Variants in SLC22A5 observed in about 807,000 individuals in gnomAD.
SLC22A5 encodes solute carrier family 22 member 5.
SLC22A5 carries 44 observed loss-of-function variants against 56.7 expected under a neutral mutation model. That is an observed-to-expected ratio of 0.78 (90% CI 0.61 to 1.00). The LOEUF (loss-of-function observed/expected upper bound fraction) is 1.00. Among genes scored for constraint, SLC22A5 ranks in the 50% least tolerant of loss-of-function variants. The pLI is 0.00. For missense variants in SLC22A5, 675 were observed against 723.0 expected (o/e 0.93, Z 0.76); for synonymous variants, 278 against 292.1 (o/e 0.95, Z 0.49).
rs148692357 is a variant in SLC22A5, at chr5:132,392,756, G to T, written c.1450+141G>T. The T allele has an allele frequency of 5.4e-5, 41 of 758,832 alleles. No individual in the cohort carries two copies. The Middle Eastern group carries it at 1.1e-3, about 20-fold the overall frequency. 47.0% of individuals were successfully genotyped at this position (758,832 alleles called of 1,614,324 possible). A position where few individuals can be genotyped will look rare whatever the true frequency, so the allele number is the denominator to read the frequency against. ...TCCATCCAGTACTGGATCTTTGGCC[G>T]GGAAGGGTTCTTGTCCCAGTGCACT... On this transcript the variant is annotated intron_variant, in intron 8 of 9. Coordinates refer to ENST00000245407, the MANE Select transcript of SLC22A5 (RefSeq NM_003060.4).
Position 132,394,171 on chromosome 5 carries a change from G to C in SLC22A5, c.1587-14G>C, listed in dbSNP as rs1337915993. 2.4e-5 allele frequency: 38 copies of C among 1,568,618 alleles called. No individual in the cohort carries two copies. Among genetic ancestry groups the C allele is most frequent in the Non-Finnish European group, 3.2e-5 (36 of 1,138,632 alleles). ...TAAAATGTGTTACTGACATATTTTT[G>C]CTTGTTTTTATAGAATGAAACACAG... On this transcript the variant is annotated splice_polypyrimidine_tract_variant and intron_variant, in intron 9 of 9. Transcript: ENST00000245407.
intron 5 of SLC22A5, among the ~76,000 whole-genome samples, chr5:132,388,701 C>T (rs1752609075): frequency 6.6e-6 from 1 of 152,104 alleles, no homozygotes; most frequent in South Asian, 2.1e-4. Flanking sequence ...TGGTCACTTA[C>T]TTTTCCTCAT....
intron 1 of SLC22A5, among the ~76,000 whole-genome samples, chr5:132,374,669 G>A (rs1226504139): frequency 6.6e-6 from 1 of 152,054 alleles, no homozygotes; most frequent in Admixed American, 6.5e-5. Context: ...GGCCATGAGT[G>A]GTCAGATTGA....
chr5:132,387,192 C>T (rs778986156), intron 5 of SLC22A5, 41 bp downstream of exon 5: 74 of 1,612,722 alleles, frequency 4.6e-5, no homozygotes, highest in South Asian at 4.1e-4. Flanking sequence ...ACAGACTGAC[C>T]GTGATTTGAG....
intron 1 of SLC22A5, chr5:132,378,110 A>G: frequency 3.9e-6 from 6 of 1,550,986 alleles, no homozygotes; most frequent in Non-Finnish European, 5.2e-6. Flanking sequence ...CTCCAGGGTC[A>G]GCATGTGGAC....
intron 2 of SLC22A5, chr5:132,380,068 C>G (rs1040043039): frequency 6.6e-6 from 1 of 152,248 alleles, no homozygotes; most frequent in Non-Finnish European, 1.5e-5. Context: ...CAGAGAAGTG[C>G]AGGGTGCCAC....
chr5:132,386,827 G>A (rs893330221), intron 4 of SLC22A5, among the ~76,000 whole-genome samples, 198 bp from the exon 5 acceptor site: 5 of 152,204 alleles, frequency 3.3e-5, no homozygotes, highest in Non-Finnish European at 7.3e-5. Context: ...TTTTTGTGCG[G>A]TGTGGGGTAC....
At chr5:132,381,179 T>G (rs1270034392) in intron 2 of SLC22A5, 6 of 152,172 alleles carry the variant, frequency 3.9e-5, no homozygotes, top group African/African-American at 1.4e-4. Flanking sequence ...AGGAAAGCAT[T>G]TAAGTTCCAA....
rs199689597 is a variant in SLC22A5, at chr5:132,370,103, C to G, written c.131C>G (p.Ala44Gly). ...FTGLSSVFLI[A>G]TPEHRCRVPD... ...GGCCTGTCCTCCGTGTTCCTGATAG[C>G]GACCCCGGAGCACCGCTGCCGGGTG... The change falls in exon 1 of 10, where the codon GCG (alanine) becomes GGG (glycine). Residue 44 changes from alanine to glycine, a missense_variant. Ala to Gly is a moderately conservative substitution (Grantham distance 60). Transcript: ENST00000245407. 6 of 1,612,050 alleles carry G rather than the reference C, an allele frequency of 3.7e-6. No homozygotes were observed. The highest frequency in any genetic ancestry group is 1.3e-5 in the African/African-American group (1 of 74,916).
chr5:132,370,507 C>A, intron 1 of SLC22A5, 142 bp downstream of exon 1: 3 of 1,000,124 alleles, frequency 3.0e-6, no homozygotes, highest in Non-Finnish European at 2.9e-6. Flanking sequence ...GCGATGGAGA[C>A]CCTCCAGCCA....
rs895304067 is a variant in SLC22A5 at position 132,390,436 on chromosome 5, T to G, written c.1053-254T>G. ...GTAAATCTATCTGAATTATACAAGC[T>G]TTTTTGCTGGGACACTGTCTATATG... On this transcript the variant is annotated intron_variant, in intron 6 of 9. Coordinates refer to ENST00000245407, the MANE Select transcript of SLC22A5 (RefSeq NM_003060.4). 1.3e-5 allele frequency: 7 copies of G among 547,594 alleles called. No homozygotes were observed. In the African/African-American group the frequency reaches 1.3e-4, roughly 10 times the overall value. The allele number at this position is 547,594 out of a possible 1,614,324, so 33.9% of individuals were successfully genotyped here.
At chr5:132,388,715 C>T (rs189869384) in intron 5 of SLC22A5, among the ~76,000 whole-genome samples, 33 of 152,262 alleles carry the variant, frequency 2.2e-4, no homozygotes, top group Admixed American at 2.0e-3. Context: ...TCCTCATTTT[C>T]ATTCACTCTG....
chr5:132,394,353 T>A lies in SLC22A5; in HGVS notation c.*81T>A. On this transcript the variant is annotated 3_prime_UTR_variant, in exon 10 of 10. Coordinates refer to ENST00000245407, the MANE Select transcript of SLC22A5 (RefSeq NM_003060.4). ...CCAGCTTGTGCAGACTCCGAGTCCT[T>A]CAGTGACAAAAGGCCTTTGCTGTTT... is the stretch of plus-strand genomic sequence containing the variant. 1 of 999,050 alleles carries A rather than the reference T, an allele frequency of 1.0e-6. No homozygotes were observed. Among genetic ancestry groups the A allele is most frequent in the African/African-American group, 1.9e-5 (1 of 52,072 alleles). The allele number at this position is 999,050 out of a possible 1,614,324, so 61.9% of individuals were successfully genotyped here. A position where few individuals can be genotyped will look rare whatever the true frequency, so the allele number is the denominator to read the frequency against.
Position 132,370,225 on chromosome 5 carries a change from C to T in SLC22A5, c.253C>T (p.Arg85Trp). ...GGTGCCCCACAGCTGCCGCCGCTACCGGCTCGCCACCATCGCCAACTTCTC... is the reference window on the plus strand; with the variant it reads ...GGTGCCCCACAGCTGCCGCCGCTACTGGCTCGCCACCATCGCCAACTTCTC... The part of the protein sequence containing the change: ...REVPHSCRRY[R>W]LATIANFSAL... The change falls in exon 1 of 10, where the codon CGG (arginine) becomes TGG (tryptophan). Residue 85 changes from arginine (R) to tryptophan (W), a missense_variant. Physicochemically the swap from Arg to Trp is moderately radical, Grantham distance 101 (BLOSUM62 -3). Transcript: ENST00000245407. The T allele has an allele frequency of 1.3e-6, 2 of 1,575,126 alleles. No individual in the cohort carries two copies. The highest frequency in any genetic ancestry group is 1.7e-6 in the Non-Finnish European group (2 of 1,162,128).
In SLC22A5 at chr5:132,394,381, C is replaced by A; in HGVS notation, c.*109C>A. ...GTGACAAAAGGCCTTTGCTGTTTGT[C>A]CTCTTGACCTGTGTCTGACTTGCTC... is the stretch of plus-strand genomic sequence containing the variant. On this transcript the variant is annotated 3_prime_UTR_variant, in exon 10 of 10. Coordinates refer to ENST00000245407, the MANE Select transcript of SLC22A5 (RefSeq NM_003060.4). 2 of 859,630 alleles carry A rather than the reference C, an allele frequency of 2.3e-6. No individual in the cohort carries two copies. The highest frequency in any genetic ancestry group is 2.4e-5 in the East Asian group (1 of 41,486). The allele number at this position is 859,630 out of a possible 1,614,324, so 53.3% of individuals were successfully genotyped here.
chr5:132,385,533 G>T (rs1210616539), intron 4 of SLC22A5, 34 bp downstream of exon 4: 6 of 1,595,982 alleles, frequency 3.8e-6, no homozygotes, highest in Non-Finnish European at 5.2e-6. Flanking sequence ...GTGCCCACTG[G>T]CAGGATGATT....
intron 5 of SLC22A5, among the ~76,000 whole-genome samples, chr5:132,388,387 AT>A (rs1752599821): frequency 1.3e-5 from 2 of 152,196 alleles, no homozygotes; most frequent in South Asian, 4.1e-4. Context: ...GCTGTGCTGA[AT>A]TTCATAGGAA....
At position 132,370,009 on chromosome 5, in the gene SLC22A5, G is replaced by T. The variant is rs553647459; in HGVS notation, c.37G>T (p.Glu13Ter). The T allele has an allele frequency of 6.2e-7, 1 of 1,613,318 alleles. No homozygotes were observed. Among genetic ancestry groups the T allele is most frequent in the Non-Finnish European group, 8.5e-7 (1 of 1,179,710 alleles). The change falls in exon 1 of 10, where the codon GAG (glutamate) becomes TAG (stop). Residue 13 changes from glutamate (E) to a stop codon, truncating the protein, a stop_gained. Coordinates refer to ENST00000245407, the MANE Select transcript of SLC22A5 (RefSeq NM_003060.4). LOFTEE classifies it high-confidence loss of function. Reference protein sequence around the residue: ...DYDEVTAFLGEWGPFQRLIFF... With the variant: ...DYDEVTAFLG ...CGACGAGGTGACCGCCTTCCTGGGC[G>T]AGTGGGGGCCCTTCCAGCGCCTCAT...
intron 3 of SLC22A5, among the ~76,000 whole-genome samples, chr5:132,384,620 C>G (rs553227584): frequency 5.3e-5 from 8 of 152,292 alleles, no homozygotes; most frequent in Non-Finnish European, 8.8e-5. Flanking sequence ...ACAAAAAGGG[C>G]CTGCCACTGC....
Sources: gnomAD v4.1 joint callset for allele counts (sites outside exome capture counted in the v4.1 genomes callset) on GRCh38, gnomAD v4.1.1 for gene constraint, MANE v1.5 for transcripts, NCBI Gene and HGNC (gene_info 2026-07-23, HGNC 2026-07-21) for gene names.